The following TBC1D22A variants were observed in gnomAD, a reference collection of about 807,000 sequenced individuals.
TBC1D22A encodes the protein putative GTPase activator.
TBC1D22A carries 38 observed loss-of-function variants against 60.2 expected under a neutral mutation model. That is an observed-to-expected ratio of 0.63 (90% confidence interval 0.49 to 0.83). TBC1D22A has a LOEUF of 0.83. Ranked by LOEUF, TBC1D22A falls within the 40% of genes least tolerant of loss-of-function variation. The pLI is 0.00. For missense variants in TBC1D22A, 628 were observed against 701.0 expected, an observed-to-expected ratio of 0.90 and a Z score of 1.18; for synonymous variants, 302 against 281.7, an observed-to-expected ratio of 1.07 and a Z score of -0.72.
chr22:46,904,486 T>TTTTTGC (rs3084311), intron 7 of TBC1D22A, among the ~76,000 whole-genome samples: 1 of 151,862 alleles, frequency 6.6e-6, no homozygotes, highest in African/African-American at 2.4e-5. Context: ...TTTTTTTTTT[T>TTTTTGC]GAGACGGAGT....
intron 12 of TBC1D22A, among the ~76,000 whole-genome samples, chr22:47,164,709 T>A (rs1426609035): frequency 6.6e-6 from 1 of 152,190 alleles, no homozygotes; most frequent in Non-Finnish European, 1.5e-5. Context: ...CTGCGGGTCT[T>A]CTGCAGCCTG....
intron 4 of TBC1D22A, among the ~76,000 whole-genome samples, chr22:46,838,291 CAA>C (rs1032773628): frequency 7.9e-5 from 12 of 152,158 alleles, no homozygotes; most frequent in African/African-American, 2.9e-4. Context: ...AAAGAAGACT[CAA>C]ATGCAATCAT....
intron 4 of TBC1D22A, among the ~76,000 whole-genome samples, chr22:46,856,163 C>T (rs1009813937): frequency 6.6e-6 from 1 of 152,162 alleles, no homozygotes; most frequent in Admixed American, 6.5e-5. Context: ...CCAGAGAGGT[C>T]TTGTGATGCC....
At chr22:47,099,761 A>C (rs1382321126) in intron 11 of TBC1D22A, among the ~76,000 whole-genome samples, 2 of 152,118 alleles carry the variant, frequency 1.3e-5, no homozygotes, top group Non-Finnish European at 2.9e-5. Context: ...CTGCTTTCTA[A>C]AGTTAGAAGA....
chr22:46,809,291 C>A (rs577407507), intron 4 of TBC1D22A, among the ~76,000 whole-genome samples: 11 of 152,062 alleles, frequency 7.2e-5, no homozygotes, highest in Non-Finnish European at 1.6e-4. Context: ...AGGTGGAGAG[C>A]GAGCGTGCAC....
intron 4 of TBC1D22A, among the ~76,000 whole-genome samples, chr22:46,807,056 G>C (rs566877527): frequency 3.0e-4 from 45 of 152,372 alleles, no homozygotes; most frequent in African/African-American, 1.1e-3. Flanking sequence ...GATTCTTCCT[G>C]CTCAACCGCA....
intron 9 of TBC1D22A, 152 bp downstream of exon 9, chr22:46,974,551 C>T (rs964868888): frequency 6.2e-5 from 42 of 674,178 alleles, no homozygotes; most frequent in Admixed American, 2.3e-4. Flanking sequence ...CAGACCCCTC[C>T]GGGTTGACGA....
intron 4 of TBC1D22A, among the ~76,000 whole-genome samples, chr22:46,817,858 A>C (rs1285092047): frequency 6.6e-6 from 1 of 152,162 alleles, no homozygotes; most frequent in Non-Finnish European, 1.5e-5. Context: ...GGTTGAACTA[A>C]TTTACATTCC....
At chr22:47,038,227 G>A (rs1358923057) in intron 11 of TBC1D22A, among the ~76,000 whole-genome samples, 5 of 152,190 alleles carry the variant, frequency 3.3e-5, no homozygotes, top group East Asian at 3.8e-4. Flanking sequence ...TTTCATCCCG[G>A]CACCTCAAGA....
intron 8 of TBC1D22A, among the ~76,000 whole-genome samples, chr22:46,969,179 C>T (rs532183415): frequency 2.6e-5 from 4 of 152,274 alleles, no homozygotes; most frequent in African/African-American, 9.6e-5. Context: ...AAGAGACAGG[C>T]CTTATTTAAA....
At chr22:46,922,903 A>C (rs1009213986) in intron 8 of TBC1D22A, among the ~76,000 whole-genome samples, 1 of 152,138 alleles carries the variant, frequency 6.6e-6, no homozygotes, top group African/African-American at 2.4e-5. Flanking sequence ...TTCCTATTGA[A>C]TGCCTTTTAT....
At chr22:47,124,199 G>A (rs914269876) in intron 12 of TBC1D22A, among the ~76,000 whole-genome samples, 10 of 152,178 alleles carry the variant, frequency 6.6e-5, no homozygotes, top group African/African-American at 2.2e-4. Context: ...GGGGGTGGGC[G>A]CTGCCCTTGT....
At chr22:47,059,681 G>C (rs924031616) in intron 11 of TBC1D22A, among the ~76,000 whole-genome samples, 1 of 152,252 alleles carries the variant, frequency 6.6e-6, no homozygotes, top group South Asian at 2.1e-4. Context: ...CCCTCTCTCT[G>C]TCATGAGCTA....
At chr22:46,802,878 G>A (rs1174847514) in intron 4 of TBC1D22A, among the ~76,000 whole-genome samples, 3 of 151,918 alleles carry the variant, frequency 2.0e-5, no homozygotes, top group Non-Finnish European at 4.4e-5. Context: ...GTGAGTCGGG[G>A]GCTGATGAAA....
Position 46,777,332 on chromosome 22 carries a change from T to G in TBC1D22A, c.62+14484T>G, listed in dbSNP as rs1327312247. On this transcript the variant is annotated intron_variant, in intron 1 of 12. Coordinates refer to ENST00000337137, the MANE Select transcript of TBC1D22A (RefSeq NM_014346.5). This position sits in a 1 kb window ranked among gnomAD's most constrained non-coding sequence, Gnocchi z 4.5. ...GAGGCAGGGATGAGCACATTGTCTA[T>G]TTTTGTGTGACTGGTAGAGAGTGAT... is the stretch of plus-strand genomic sequence containing the variant. 6.6e-6 allele frequency among the ~76,000 whole-genome samples: 1 copy of G among 151,992 alleles called. No homozygotes were observed. Among genetic ancestry groups the G allele is most frequent in the African/African-American group, 2.4e-5 (1 of 41,376 alleles).
intron 8 of TBC1D22A, among the ~76,000 whole-genome samples, chr22:46,953,139 T>C (rs1569265691): frequency 7.1e-6 from 1 of 141,644 alleles, no homozygotes; most frequent in African/African-American, 3.1e-5. Flanking sequence ...TTTTTTTGCA[T>C]GAGAGACTTT....
chr22:46,995,919 T>C (rs1187391379), intron 9 of TBC1D22A, among the ~76,000 whole-genome samples: 4 of 152,132 alleles, frequency 2.6e-5, no homozygotes, highest in African/African-American at 9.7e-5. Flanking sequence ...CCTGAGCCTA[T>C]GGAAAAGGAG....
At chr22:46,977,218 A>AT (rs577146332) in intron 9 of TBC1D22A, among the ~76,000 whole-genome samples, 23 of 151,708 alleles carry the variant, frequency 1.5e-4, no homozygotes, top group Admixed American at 9.2e-4. Flanking sequence ...AACCACATCT[A>AT]TTTTTTTTAC....
At chr22:46,843,151 A>G (rs933578846) in intron 4 of TBC1D22A, among the ~76,000 whole-genome samples, 3 of 152,126 alleles carry the variant, frequency 2.0e-5, no homozygotes, top group African/African-American at 7.2e-5. Context: ...GTTCAAGGGG[A>G]GGCACTGAGC....
Sources: gnomAD v4.1 joint callset for allele counts (sites outside exome capture counted in the v4.1 genomes callset) on GRCh38, gnomAD v4.1.1 for gene constraint, Gnocchi (gnomAD v3.1) non-coding constraint, MANE v1.5 for transcripts, NCBI Gene and HGNC (gene_info 2026-07-23, HGNC 2026-07-21) for gene names.